RGS6: variants seen among roughly 807,000 people sequenced by gnomAD.
RGS6 encodes regulator of G protein signaling 6.
In RGS6, 30 loss-of-function variants were observed where a neutral mutation model predicts 78.5. The observed-to-expected ratio is 0.38, with a 90% CI of 0.29 to 0.52. The LOEUF (loss-of-function observed/expected upper bound fraction) is 0.52, where lower values mean the gene tolerates loss of function less well. Ranked by LOEUF, RGS6 falls within the 20% of genes least tolerant of loss-of-function variation. The probability of loss-of-function intolerance (pLI) is 0.85; values close to 1 mark genes in which losing one functional copy is unlikely to be tolerated. For missense variants in RGS6, 495 were observed against 609.7 expected (o/e 0.81, Z 1.98); for synonymous variants, 206 against 206.0 (o/e 1.00, Z 0.00).
Position 72,473,001 on chromosome 14 carries a change from C to G in RGS6, c.618+48C>G, listed in dbSNP as rs375067192. ...TCTAGATTTTTTTTTCTTAATTGTTCATTTTTATCTCTATAAAGAAAAGAC... is the reference window on the plus strand; with the variant it reads ...TCTAGATTTTTTTTTCTTAATTGTTGATTTTTATCTCTATAAAGAAAAGAC... On this transcript the variant is annotated intron_variant, in intron 9 of 17. Transcript: ENST00000553525. The G allele has an allele frequency of 1.9e-5, 26 of 1,347,504 alleles. No individual in the cohort carries two copies. In the African/African-American group the frequency reaches 3.9e-4, roughly 20 times the overall value. The allele number at this position is 1,347,504 out of a possible 1,614,324, so 83.5% of individuals were successfully genotyped here.
At chr14:72,402,959 G>A (rs2092600024) in intron 3 of RGS6, among the ~76,000 whole-genome samples, 1 of 151,904 alleles carries the variant, frequency 6.6e-6, no homozygotes, top group Non-Finnish European at 1.5e-5. Flanking sequence ...ACCACACCCA[G>A]CTAATCTTTT....
intron 2 of RGS6, among the ~76,000 whole-genome samples, chr14:71,982,643 C>T (rs534357785): frequency 6.6e-6 from 1 of 152,164 alleles, no homozygotes; most frequent in Non-Finnish European, 1.5e-5. Context: ...TATGACACTG[C>T]CAAAAGCTCT....
chr14:72,140,342 T>C (rs1272831537), intron 2 of RGS6, among the ~76,000 whole-genome samples: 1 of 152,224 alleles, frequency 6.6e-6, no homozygotes, highest in Non-Finnish European at 1.5e-5. Flanking sequence ...TTTATAATCA[T>C]TTTAATTAGT....
intron 2 of RGS6, among the ~76,000 whole-genome samples, chr14:72,000,351 C>G (rs376332313): frequency 7.2e-5 from 11 of 152,062 alleles, no homozygotes; most frequent in Non-Finnish European, 1.6e-4. Flanking sequence ...AAATGAATAA[C>G]AATACTTGGG....
At chr14:72,375,990 C>T (rs1462765302) in intron 3 of RGS6, among the ~76,000 whole-genome samples, 1 of 152,042 alleles carries the variant, frequency 6.6e-6, no homozygotes, top group Non-Finnish European at 1.5e-5. Context: ...TCCAAAGGAA[C>T]ACAATAATTC....
chr14:71,958,134 G>A (rs1452499926), intron 1 of RGS6, among the ~76,000 whole-genome samples: 3 of 152,088 alleles, frequency 2.0e-5, no homozygotes, highest in Non-Finnish European at 4.4e-5. Flanking sequence ...GATTGGAATG[G>A]AGAAGTCAAC....
intron 3 of RGS6, among the ~76,000 whole-genome samples, chr14:72,442,229 T>G (rs1211064899): frequency 1.3e-5 from 2 of 152,090 alleles, no homozygotes; most frequent in African/African-American, 4.8e-5. Context: ...AGGACTCTTT[T>G]CCATTTCATA....
chr14:72,057,319 A>G (rs1221492488), intron 2 of RGS6, among the ~76,000 whole-genome samples: 1 of 100,794 alleles, frequency 9.9e-6, no homozygotes, highest in Non-Finnish European at 2.2e-5. Flanking sequence ...ATCTGAAAAA[A>G]AAAAAAAAAA....
chr14:72,427,158 C>A (rs1007413869), intron 3 of RGS6, among the ~76,000 whole-genome samples: 3 of 152,106 alleles, frequency 2.0e-5, no homozygotes, highest in Admixed American at 2.0e-4. Flanking sequence ...CATGGTCAAC[C>A]GTGGCCCAAA....
At chr14:71,968,496 G>A (rs1225971497) in intron 2 of RGS6, among the ~76,000 whole-genome samples, 1 of 152,138 alleles carries the variant, frequency 6.6e-6, no homozygotes, top group African/African-American at 2.4e-5. Context: ...TCTTGTCATA[G>A]GGATTTTAGT....
chr14:72,212,087 G>A (rs918894009), intron 2 of RGS6, among the ~76,000 whole-genome samples: 2 of 152,148 alleles, frequency 1.3e-5, no homozygotes, highest in African/African-American at 4.8e-5. Flanking sequence ...AGCACCTAGA[G>A]CCACAGATGT....
At chr14:71,896,506 CTGTTT>C in the RGS6 span, among the ~76,000 whole-genome samples, 23 of 152,170 alleles carry the variant, frequency 1.5e-4, no homozygotes, top group African/African-American at 5.1e-4. Flanking sequence ...TTACCACAGG[CTGTTT>C]TATCAGCAAG....
intron 3 of RGS6, among the ~76,000 whole-genome samples, chr14:72,438,773 C>A (rs560843642): frequency 8.5e-5 from 13 of 152,372 alleles, no homozygotes; most frequent in South Asian, 4.1e-4. Flanking sequence ...ATTCTGCACT[C>A]AGCAGCTAAC....
At chr14:72,127,263 G>A (rs1236429277) in intron 2 of RGS6, among the ~76,000 whole-genome samples, 2 of 152,134 alleles carry the variant, frequency 1.3e-5, no homozygotes, top group African/African-American at 2.4e-5. Context: ...CAAATGGTAG[G>A]CAAAAGAAGT....
intron 2 of RGS6, among the ~76,000 whole-genome samples, chr14:72,029,304 T>C (rs4374087): frequency 0.043 from 6,582 of 152,140 alleles, 168 homozygotes; most frequent in African/African-American, 0.076. Flanking sequence ...TGCTGAGGAG[T>C]GATGTACATT....
chr14:72,319,290 G>A (rs1221269449), intron 2 of RGS6, among the ~76,000 whole-genome samples: 1 of 151,988 alleles, frequency 6.6e-6, no homozygotes, highest in Non-Finnish European at 1.5e-5. Flanking sequence ...GGGTAATATG[G>A]TGACGTGAGA....
At chr14:72,249,669 T>G (rs2055118249) in intron 2 of RGS6, among the ~76,000 whole-genome samples, 1 of 152,226 alleles carries the variant, frequency 6.6e-6, no homozygotes, top group Non-Finnish European at 1.5e-5. Flanking sequence ...GCAATTGTAT[T>G]TTTTATGGCC....
At chr14:72,336,512 T>TGA (rs35115421) in intron 2 of RGS6, among the ~76,000 whole-genome samples, 89 of 149,728 alleles carry the variant, frequency 5.9e-4, no homozygotes, top group Middle Eastern at 3.4e-3. Flanking sequence ...TGTCATCTCC[T>TGA]GAGAGAGAGA....
At chr14:72,350,429 T>C (rs1486256873) in intron 2 of RGS6, among the ~76,000 whole-genome samples, 1 of 152,180 alleles carries the variant, frequency 6.6e-6, no homozygotes, top group Admixed American at 6.5e-5. Context: ...TGATCACAGA[T>C]CTTCAGTTCC....
Sources: allele counts gnomAD v4.1 joint callset (sites outside exome capture counted in the v4.1 genomes callset), GRCh38; gene constraint gnomAD v4.1.1; transcripts MANE v1.5; gene names NCBI Gene and HGNC (gene_info 2026-07-23, HGNC 2026-07-21).